TRDN: variants seen among roughly 807,000 people sequenced by gnomAD.
The protein encoded by TRDN is triadin in skeletal muscle.
In TRDN, 161 loss-of-function variants were observed where a neutral mutation model predicts 149.7. The ratio of observed to expected loss-of-function variants is 1.08; its 90% CI spans 0.95 to 1.23. The LOEUF is 1.23. TRDN is among the 50% of genes most tolerant of loss of function. The pLI, the probability that TRDN is intolerant of heterozygous loss-of-function variation, is 0.00. For synonymous variants in TRDN, 294 were observed against 250.5 expected (o/e 1.17, Z -1.64); for missense variants, 896 against 823.5 (o/e 1.09, Z -1.08).
At chr6:123,286,706 A>C (rs938273149) in intron 24 of TRDN, among the ~76,000 whole-genome samples, 13 of 152,156 alleles carry the variant, frequency 8.5e-5, no homozygotes, top group African/African-American at 2.2e-4. Flanking sequence ...GAATTAAAAA[A>C]ACACACACAC....
chr6:123,447,410 G>A (rs897297214), intron 10 of TRDN, among the ~76,000 whole-genome samples: 11 of 152,306 alleles, frequency 7.2e-5, no homozygotes, highest in South Asian at 2.1e-4. Flanking sequence ...AACAGTAGAC[G>A]TGAAGCATGT....
intron 23 of TRDN, among the ~76,000 whole-genome samples, chr6:123,317,502 C>T (rs1779069959): frequency 6.6e-6 from 1 of 151,878 alleles, no homozygotes; most frequent in Non-Finnish European, 1.5e-5. Context: ...TAGACTTTTA[C>T]ACACTACTTC....
intron 19 of TRDN, among the ~76,000 whole-genome samples, chr6:123,371,143 A>G (rs1781310588): frequency 6.6e-6 from 1 of 152,016 alleles, no homozygotes; most frequent in African/African-American, 2.4e-5. Flanking sequence ...TATTTCAAGA[A>G]ACTGTATATT....
intron 38 of TRDN, 89 bp downstream of exon 38, chr6:123,252,323 C>T (rs1776402029): frequency 1.2e-6 from 1 of 832,138 alleles, no homozygotes; most frequent in Non-Finnish European, 1.8e-6. Context: ...ATACTGAACA[C>T]TTCAAAAATA....
chr6:123,557,083 C>G (rs1027433614), intron 2 of TRDN, among the ~76,000 whole-genome samples: 2 of 150,798 alleles, frequency 1.3e-5, no homozygotes, highest in African/African-American at 4.9e-5. Context: ...AGAGAATAAC[C>G]CCCCTTTGAC....
At chr6:123,407,504 C>T (rs1773244796) in intron 12 of TRDN, among the ~76,000 whole-genome samples, 1 of 152,150 alleles carries the variant, frequency 6.6e-6, no homozygotes, top group South Asian at 2.1e-4. Flanking sequence ...AGGCATCTGT[C>T]CCTTTCTATG....
chr6:123,607,552 T>C (rs17085494), intron 1 of TRDN, among the ~76,000 whole-genome samples: 9,761 of 152,192 alleles, frequency 0.064, 1,068 homozygotes, highest in African/African-American at 0.22. Context: ...ATAAAGGTTG[T>C]AGTCTCTCCG....
intron 21 of TRDN, among the ~76,000 whole-genome samples, chr6:123,338,185 C>T (rs1434283903): frequency 6.6e-6 from 1 of 152,056 alleles, no homozygotes; most frequent in Non-Finnish European, 1.5e-5. Context: ...ATAATGGGCT[C>T]AGTGAAGGAT....
chr6:123,569,771 G>A (rs1318148923), intron 2 of TRDN, among the ~76,000 whole-genome samples: 1 of 152,114 alleles, frequency 6.6e-6, no homozygotes, highest in Non-Finnish European at 1.5e-5. Context: ...ACTCACTATT[G>A]TGAGGACAGC....
chr6:123,584,559 C>T (rs867593435), intron 1 of TRDN, among the ~76,000 whole-genome samples: 5 of 151,952 alleles, frequency 3.3e-5, no homozygotes, highest in South Asian at 2.1e-4. Context: ...ACACGATCAG[C>T]AGGGAACGCA....
intron 6 of TRDN, among the ~76,000 whole-genome samples, chr6:123,514,319 CACTTCAGTCTGGGTGGCAGAGTG>C (rs1779321615): frequency 6.6e-6 from 1 of 152,044 alleles, no homozygotes; most frequent in Non-Finnish European, 1.5e-5. Flanking sequence ...TGCACCACTG[CACTTCAGTCTGGGTGGCAGAGTG>C]AGACTCTGTC....
chr6:123,287,527 T>C (rs1471838548), intron 24 of TRDN, among the ~76,000 whole-genome samples: 1 of 152,132 alleles, frequency 6.6e-6, no homozygotes, highest in Non-Finnish European at 1.5e-5. Context: ...CACAAAGGAA[T>C]GGCTGTTTGT....
chr6:123,325,843 T>C (rs1292225557), intron 23 of TRDN, among the ~76,000 whole-genome samples: 1 of 152,094 alleles, frequency 6.6e-6, no homozygotes, highest in East Asian at 1.9e-4. Flanking sequence ...GATTCTTTCT[T>C]ATAAAAGCAG....
intron 1 of TRDN, among the ~76,000 whole-genome samples, chr6:123,590,152 AGCAGCGGGTGG>A (rs1783709943): frequency 6.6e-6 from 1 of 152,240 alleles, no homozygotes; most frequent in Non-Finnish European, 1.5e-5. Context: ...GCAGGAGGTG[AGCAGCGGGTGG>A]GCAGGCAACA....
intron 1 of TRDN, among the ~76,000 whole-genome samples, chr6:123,602,944 C>CAAA (rs1287070642): frequency 0.049 from 7,521 of 152,014 alleles, 607 homozygotes; most frequent in African/African-American, 0.17. Context: ...AAAAAAAAAT[C>CAAA]AGTATGTGAT....
At chr6:123,262,295 A>G (rs1776798911) in intron 33 of TRDN, among the ~76,000 whole-genome samples, 1 of 152,018 alleles carries the variant, frequency 6.6e-6, no homozygotes, top group African/African-American at 2.4e-5. Flanking sequence ...AGATCTCCAT[A>G]CTGTGTTTAT....
At chr6:123,601,101 G>A (rs1383807580) in intron 1 of TRDN, among the ~76,000 whole-genome samples, 1 of 151,980 alleles carries the variant, frequency 6.6e-6, no homozygotes, top group African/African-American at 2.4e-5. Context: ...TAAAAGGCTG[G>A]CCAAGAAAGG....
intron 10 of TRDN, among the ~76,000 whole-genome samples, chr6:123,445,611 T>C (rs1775283999): frequency 1.2e-5 from 1 of 85,738 alleles, no homozygotes; most frequent in African/African-American, 5.6e-5. Context: ...AAGACATTTA[T>C]GCAGCCAAAA....
intron 1 of TRDN, among the ~76,000 whole-genome samples, chr6:123,605,106 T>A (rs1157904142): frequency 1.3e-5 from 2 of 151,768 alleles, no homozygotes; most frequent in Non-Finnish European, 2.9e-5. Context: ...AGATTTTAAT[T>A]TGAGAGGTAA....
Sources: gnomAD v4.1 joint callset for allele counts (sites outside exome capture counted in the v4.1 genomes callset) on GRCh38, gnomAD v4.1.1 for gene constraint, MANE v1.5 for transcripts, NCBI Gene and HGNC (gene_info 2026-07-23, HGNC 2026-07-21) for gene names.